HIRA: variants seen among roughly 807,000 people sequenced by gnomAD.
The protein encoded by HIRA is protein HIRA.
A neutral mutation model predicts 126.6 loss-of-function variants in HIRA; 13 were observed. The ratio of observed to expected loss-of-function variants is 0.10; its 90% CI spans 0.07 to 0.16. The LOEUF is 0.16. HIRA is among the 10% of genes least tolerant of loss of function. HIRA has a pLI of 1.00. For synonymous variants in HIRA, 511 were observed against 520.0 expected, an observed-to-expected ratio of 0.98 and a Z score of 0.24; for missense variants, 834 against 1,314.4, an observed-to-expected ratio of 0.63 and a Z score of 5.65.
intron 1 of HIRA, 70 bp downstream of exon 1, chr22:19,431,370 C>A: frequency 6.5e-7 from 1 of 1,537,722 alleles, no homozygotes; most frequent in Non-Finnish European, 8.9e-7. Flanking sequence ...GACTTGCGCG[C>A]GCCCCGACTC....
chr22:19,361,821 C>T lies in HIRA; in HGVS notation c.1886G>A (p.Arg629Gln), dbSNP rs749532341. ...PLAKASSLSK[R>Q]KLELEVETVE... Reference sequence around the variant, plus strand: ...TGTCTCTACCTCAAGCTCAAGTTTTCGCTTGGACAGTGAGGAAGCCTTAGC... The same window carrying T: ...TGTCTCTACCTCAAGCTCAAGTTTTTGCTTGGACAGTGAGGAAGCCTTAGC... Residue 629 changes from arginine (R) to glutamine (Q), a missense_variant, in exon 16 of 25, where the codon CGA becomes CAA. This residue lies in a region of HIRA where 468 missense variants were observed against 574.2 expected (regional missense o/e 0.82). Transcript: ENST00000263208. 3.1e-6 allele frequency: 5 copies of T among 1,614,142 alleles called. No individual in the cohort carries two copies. In the South Asian group the frequency reaches 3.3e-5, roughly 11 times the overall value.
intron 13 of HIRA, among the ~76,000 whole-genome samples, chr22:19,379,383 T>C (rs1164382606): frequency 6.6e-6 from 1 of 151,004 alleles, no homozygotes; most frequent in Non-Finnish European, 1.5e-5. Context: ...TCCCAGCACT[T>C]TGGCAGGCCG....
At chr22:19,409,472 C>T (rs1372312157) in intron 2 of HIRA, among the ~76,000 whole-genome samples, 2 of 151,958 alleles carry the variant, frequency 1.3e-5, no homozygotes, top group African/African-American at 4.8e-5. Flanking sequence ...TTAGTAGAGA[C>T]GGGGTTTCGC....
rs2089304184 is a variant in HIRA at position 19,405,871 on chromosome 22, G to A, written c.312C>T (p.Gly104=). ...IMVWKRATYI[G]PSTVFGSSGK... ...CACTGGAGCCGAACACGGTGCTGGGGCCGATGTACCTGTGTGAGAAAGGGG... is the reference window on the plus strand; with the variant it reads ...CACTGGAGCCGAACACGGTGCTGGGACCGATGTACCTGTGTGAGAAAGGGG... The change falls in exon 5 of 25, where the codon GGC becomes GGT. Residue 104 remains glycine, a synonymous_variant. Coordinates refer to ENST00000263208, the MANE Select transcript of HIRA (RefSeq NM_003325.4). 1.3e-6 allele frequency: 2 copies of A among 1,491,236 alleles called. No homozygotes were observed. Among genetic ancestry groups the A allele is most frequent in the African/African-American group, 1.4e-5 (1 of 70,088 alleles). The allele number at this position is 1,491,236 out of a possible 1,614,324, so 92.4% of individuals were successfully genotyped here.
At chr22:19,382,388 G>A (rs1386970722) in intron 13 of HIRA, among the ~76,000 whole-genome samples, 2 of 152,040 alleles carry the variant, frequency 1.3e-5, no homozygotes, top group Non-Finnish European at 2.9e-5. Flanking sequence ...GGTCTCACTT[G>A]GTCTCAATAA....
Position 19,361,216 on chromosome 22 carries a change from TG to T in HIRA, c.2085+20del. 6.4e-7 allele frequency: 1 copy of T among 1,573,186 alleles called. No individual in the cohort carries two copies. The highest frequency in any genetic ancestry group is 8.8e-7 in the Non-Finnish European group (1 of 1,142,838). On this transcript the variant is annotated intron_variant, in intron 17 of 24. Transcript: ENST00000263208. ...TGTCTGGGTGTGCCTGAGGGAGAAC[TG>T]GCAGGGTCCTAGAACTTACCTGGAG... is the stretch of plus-strand genomic sequence containing the variant.
chr22:19,364,593 A>C (rs2088895221), intron 15 of HIRA, among the ~76,000 whole-genome samples: 1 of 152,132 alleles, frequency 6.6e-6, no homozygotes, highest in Non-Finnish European at 1.5e-5. Context: ...TCATGTTAGT[A>C]TTATAACTGT....
At chr22:19,395,224 T>C (rs2089213208) in intron 7 of HIRA, among the ~76,000 whole-genome samples, 1 of 152,148 alleles carries the variant, frequency 6.6e-6, no homozygotes, top group South Asian at 2.1e-4. Context: ...AGGGCAGCTC[T>C]AAAGACTTAA....
chr22:19,346,906 G>A (rs1487121068), intron 24 of HIRA, among the ~76,000 whole-genome samples: 1 of 152,134 alleles, frequency 6.6e-6, no homozygotes, highest in African/African-American at 2.4e-5. Flanking sequence ...GTTTGGAGTT[G>A]GTAAGAATAA....
intron 1 of HIRA, among the ~76,000 whole-genome samples, chr22:19,419,715 A>T (rs1475287773): frequency 6.6e-6 from 1 of 152,216 alleles, no homozygotes; most frequent in East Asian, 1.9e-4. Context: ...AACAATAAAA[A>T]CTTGTTGCTG....
Position 19,359,510 on chromosome 22 carries a change from G to A in HIRA, c.2086-26C>T, listed in dbSNP as rs182607148. 111 of 1,565,986 alleles carry A rather than the reference G, an allele frequency of 7.1e-5. No homozygotes were observed. The Middle Eastern group carries it at 4.7e-3, about 67-fold the overall frequency. Reference sequence around the variant, plus strand: ...CTGGATGAAGTAAACACACGGGTCTGCTCAGACAAGGGCCGCAGCCCAGGT... The same window carrying A: ...CTGGATGAAGTAAACACACGGGTCTACTCAGACAAGGGCCGCAGCCCAGGT... On this transcript the variant is annotated intron_variant, in intron 17 of 24. Transcript: ENST00000263208.
At chr22:19,365,209 T>G (rs184099289) in intron 15 of HIRA, among the ~76,000 whole-genome samples, 2 of 152,344 alleles carry the variant, frequency 1.3e-5, no homozygotes, top group East Asian at 3.9e-4. Flanking sequence ...AAGCAGCAAG[T>G]GCTAATGTAG....
rs1210627581 is a variant in HIRA, at chr22:19,351,984, G to A, written c.2849-538C>T. On this transcript the variant is annotated intron_variant, in intron 23 of 24. Transcript: ENST00000263208. This position sits in a 1 kb window ranked among gnomAD's most constrained non-coding sequence, Gnocchi z 4.8. ...CTAGAAAGGCTGGAGGTAGAGTGTC[G>A]GGGTTTGTCAGCACTTGGGGCAGCT... Among the ~76,000 whole-genome samples, 24 of 152,152 alleles carry A rather than the reference G, an allele frequency of 1.6e-4. No homozygotes were observed. The South Asian group carries it at 2.1e-3, about 13-fold the overall frequency.
chr22:19,406,459 G>A (rs2089308802), intron 4 of HIRA, among the ~76,000 whole-genome samples: 2 of 152,200 alleles, frequency 1.3e-5, no homozygotes, highest in African/African-American at 2.4e-5. Context: ...CCCCACCACA[G>A]GAGCCAGAGG....
intron 13 of HIRA, among the ~76,000 whole-genome samples, chr22:19,379,650 CTTGAT>C (rs1397760389): frequency 1.2e-3 from 176 of 145,434 alleles, no homozygotes; most frequent in African/African-American, 4.3e-3. Flanking sequence ...AAAAGAAATA[CTTGAT>C]TTCTTTTTTT....
chr22:19,406,906 G>GA (rs945781170), intron 4 of HIRA, among the ~76,000 whole-genome samples: 25 of 152,164 alleles, frequency 1.6e-4, no homozygotes, highest in Admixed American at 2.6e-4. Flanking sequence ...AATTTCACTT[G>GA]AAAAAACAAA....
chr22:19,405,140 G>A (rs2089298262), intron 5 of HIRA, among the ~76,000 whole-genome samples: 1 of 152,098 alleles, frequency 6.6e-6, no homozygotes, highest in African/African-American at 2.4e-5. Flanking sequence ...ATCCAGCCAT[G>A]GTGAAATGCC....
At chr22:19,386,483 C>G (rs1345263621) in intron 11 of HIRA, among the ~76,000 whole-genome samples, 1 of 152,260 alleles carries the variant, frequency 6.6e-6, no homozygotes, top group Non-Finnish European at 1.5e-5. Context: ...AACAGGACAT[C>G]TGCTTTACAG....
chr22:19,347,820 T>G (rs1556009349), intron 24 of HIRA, among the ~76,000 whole-genome samples: 1 of 152,216 alleles, frequency 6.6e-6, no homozygotes, highest in Non-Finnish European at 1.5e-5. Context: ...GTGCCTGTAA[T>G]TCCAGCTACT....
Sources: allele counts gnomAD v4.1 joint callset (sites outside exome capture counted in the v4.1 genomes callset), GRCh38; gene constraint gnomAD v4.1.1; regional missense constraint gnomAD v4.1.1; non-coding constraint Gnocchi (gnomAD v3.1); transcripts MANE v1.5; gene names NCBI Gene and HGNC (gene_info 2026-07-23, HGNC 2026-07-21).